Variants in FSTL4 observed in about 807,000 individuals in gnomAD.
The protein encoded by FSTL4 is follistatin-related protein 4.
Under a neutral mutation model 78.2 loss-of-function variants are expected in FSTL4, and 28 were observed. The ratio of observed to expected loss-of-function variants is 0.36; its 90% confidence interval spans 0.27 to 0.49. The LOEUF (loss-of-function observed/expected upper bound fraction) is 0.49. Among genes scored for constraint, FSTL4 ranks in the 20% least tolerant of loss-of-function variants. The pLI is 0.98. For synonymous variants in FSTL4, 422 were observed against 440.5 expected, an observed-to-expected ratio of 0.96 and a Z score of 0.53; for missense variants, 922 against 1,084.9, an observed-to-expected ratio of 0.85 and a Z score of 2.11.
chr5:133,371,188 G>A (rs1755290419), intron 4 of FSTL4, among the ~76,000 whole-genome samples: 1 of 152,220 alleles, frequency 6.6e-6, no homozygotes, highest in African/African-American at 2.4e-5. Flanking sequence ...CATCAAGACC[G>A]GCCAGCTCTG....
At chr5:133,306,722 G>T (rs577187022) in intron 6 of FSTL4, among the ~76,000 whole-genome samples, 3 of 152,150 alleles carry the variant, frequency 2.0e-5, no homozygotes, top group Admixed American at 1.3e-4. Flanking sequence ...CTCCTTGCCC[G>T]ATGTATTTCT....
chr5:133,569,012 T>C (rs950474006), intron 2 of FSTL4, among the ~76,000 whole-genome samples: 10 of 152,226 alleles, frequency 6.6e-5, no homozygotes, highest in African/African-American at 2.2e-4. Context: ...TTCTTTTTTG[T>C]ATGTCTTTTG....
intron 3 of FSTL4, among the ~76,000 whole-genome samples, chr5:133,444,878 G>A (rs1398276899): frequency 6.6e-6 from 1 of 152,196 alleles, no homozygotes; most frequent in African/African-American, 2.4e-5. Context: ...TTCCATTTCT[G>A]GGGCCAAGGG....
intron 3 of FSTL4, among the ~76,000 whole-genome samples, chr5:133,409,702 C>T (rs1756440338): frequency 6.6e-6 from 1 of 152,222 alleles, no homozygotes; most frequent in African/African-American, 2.4e-5. Flanking sequence ...AGGCCTGGCA[C>T]AGATTGGGCT....
rs369484796 is a variant in FSTL4, at chr5:133,440,305, C to T, written c.161-39319G>A. On this transcript the variant is annotated intron_variant, in intron 3 of 15. Coordinates refer to ENST00000265342, the MANE Select transcript of FSTL4 (RefSeq NM_015082.2). This position sits in a 1 kb window ranked among gnomAD's most constrained non-coding sequence, Gnocchi z 4.1. ...TGGCTGTGGGCAGCTCAGGGGTGCCCGTAAGATGCCTCACCAAGCCTGTTT... is the reference window on the plus strand; with the variant it reads ...TGGCTGTGGGCAGCTCAGGGGTGCCTGTAAGATGCCTCACCAAGCCTGTTT... 5.3e-5 allele frequency among the ~76,000 whole-genome samples: 8 copies of T among 152,250 alleles called. No homozygotes were observed. The highest frequency in any genetic ancestry group is 3.4e-3 in the Middle Eastern group (1 of 294).
At chr5:133,318,943 C>G (rs1014979562) in intron 4 of FSTL4, among the ~76,000 whole-genome samples, 2 of 152,218 alleles carry the variant, frequency 1.3e-5, no homozygotes, top group African/African-American at 2.4e-5. Context: ...CCTGGGAGTT[C>G]TTGGGGTCAC....
At chr5:133,363,979 A>G (rs1326464579) in intron 4 of FSTL4, among the ~76,000 whole-genome samples, 7 of 152,180 alleles carry the variant, frequency 4.6e-5, no homozygotes, top group African/African-American at 1.7e-4. Context: ...CCACTTTGCA[A>G]TAACTCACCA....
intron 4 of FSTL4, among the ~76,000 whole-genome samples, chr5:133,358,376 G>A (rs1255290344): frequency 6.6e-6 from 1 of 152,092 alleles, no homozygotes; most frequent in Non-Finnish European, 1.5e-5. Flanking sequence ...AACCTGGGAA[G>A]GCTGATTAGA....
intron 6 of FSTL4, among the ~76,000 whole-genome samples, chr5:133,304,624 A>T (rs1375618416): frequency 6.6e-6 from 1 of 152,230 alleles, no homozygotes; most frequent in Non-Finnish European, 1.5e-5. Context: ...GATCTTTAAA[A>T]ATGGAAAGTG....
chr5:133,261,242 G>T (rs1038570399), intron 6 of FSTL4, among the ~76,000 whole-genome samples: 5 of 152,156 alleles, frequency 3.3e-5, no homozygotes, highest in Non-Finnish European at 7.3e-5. Flanking sequence ...AAAGCCTCAA[G>T]CTCTCTTTTC....
chr5:133,442,419 A>G (rs1561718373), intron 3 of FSTL4, among the ~76,000 whole-genome samples: 1 of 152,174 alleles, frequency 6.6e-6, no homozygotes, highest in Non-Finnish European at 1.5e-5. Flanking sequence ...GCTTGCATGG[A>G]GTCAGATCCA....
chr5:133,252,467 G>T (rs1226607496), intron 6 of FSTL4, among the ~76,000 whole-genome samples: 1 of 152,134 alleles, frequency 6.6e-6, no homozygotes, highest in African/African-American at 2.4e-5. Context: ...CTGGTGGGCT[G>T]GATGGACATC....
At chr5:133,653,293 A>G in the FSTL4 span, among the ~76,000 whole-genome samples, 1 of 152,320 alleles carries the variant, frequency 6.6e-6, no homozygotes, top group Middle Eastern at 3.4e-3. Context: ...TGTAGTTCAC[A>G]TAGCGTTTGT....
At chr5:133,841,083 C>T in the FSTL4 span, among the ~76,000 whole-genome samples, 1 of 152,248 alleles carries the variant, frequency 6.6e-6, no homozygotes, top group Non-Finnish European at 1.5e-5. Context: ...GATGAAATCA[C>T]AGTCACCTCT....
the FSTL4 span, among the ~76,000 whole-genome samples, chr5:133,783,067 C>T: frequency 6.6e-6 from 1 of 152,216 alleles, no homozygotes; most frequent in Non-Finnish European, 1.5e-5. Flanking sequence ...ACAAAGTTTA[C>T]ATTTCGTGAA....
chr5:133,778,201 G>T, the FSTL4 span, among the ~76,000 whole-genome samples: 1 of 152,192 alleles, frequency 6.6e-6, no homozygotes, highest in Non-Finnish European at 1.5e-5. Flanking sequence ...GGCCCTGCCT[G>T]GTGCCAGTCA....
At chr5:133,256,155 C>T (rs1416540781) in intron 6 of FSTL4, among the ~76,000 whole-genome samples, 1 of 152,176 alleles carries the variant, frequency 6.6e-6, no homozygotes, top group Non-Finnish European at 1.5e-5. Flanking sequence ...GGAGGGCAAA[C>T]TCAGGCTCAG....
At chr5:133,286,473 T>A (rs1417040661) in intron 6 of FSTL4, among the ~76,000 whole-genome samples, 1 of 152,188 alleles carries the variant, frequency 6.6e-6, no homozygotes, top group Non-Finnish European at 1.5e-5. Context: ...TTGATGTACA[T>A]CCACCCGCTA....
rs992222202 is a variant in FSTL4 at position 133,240,415 on chromosome 5, C to G, written c.895-6878G>C. Among the ~76,000 whole-genome samples, 12 of 152,268 alleles carry G rather than the reference C, an allele frequency of 7.9e-5. 1 individual carries two copies. Among genetic ancestry groups the G allele is most frequent in the Admixed American group, 5.9e-4 (9 of 15,308 alleles). On this transcript the variant is annotated intron_variant, in intron 7 of 15. Transcript: ENST00000265342. Reference sequence around the variant, plus strand: ...CAATCTCTAAGTAGCTGTCTGAGCCCCCTGGAAGAGGGCTGTTGTGGGCAG... The same window carrying G: ...CAATCTCTAAGTAGCTGTCTGAGCCGCCTGGAAGAGGGCTGTTGTGGGCAG...
Sources: gnomAD v4.1 joint callset for allele counts (sites outside exome capture counted in the v4.1 genomes callset) on GRCh38, gnomAD v4.1.1 for gene constraint, Gnocchi (gnomAD v3.1) non-coding constraint, MANE v1.5 for transcripts, NCBI Gene and HGNC (gene_info 2026-07-23, HGNC 2026-07-21) for gene names.